The following PDZRN3 variants were observed in gnomAD, a reference collection of about 807,000 sequenced individuals.
The protein encoded by PDZRN3 is PDZ domain containing ring finger 3.
A neutral mutation model predicts 85.7 loss-of-function variants in PDZRN3; 38 were observed. That is an observed-to-expected ratio of 0.44 (90% CI 0.34 to 0.58). PDZRN3 has a LOEUF of 0.58. PDZRN3 is among the 20% of genes least tolerant of loss of function. The pLI is 0.01. For missense variants in PDZRN3, 1,629 were observed against 1,506.4 expected (o/e 1.08, Z -1.35); for synonymous variants, 759 against 638.0 (o/e 1.19, Z -2.86).
chr3:73,535,106 T>C (rs980951844), intron 3 of PDZRN3, among the ~76,000 whole-genome samples: 12 of 152,162 alleles, frequency 7.9e-5, no homozygotes, highest in Non-Finnish European at 1.5e-4. Context: ...CTTTTCCTTC[T>C]GCCTTAACAC....
chr3:73,574,982 G>T (rs952417283), intron 3 of PDZRN3, among the ~76,000 whole-genome samples: 1 of 152,138 alleles, frequency 6.6e-6, no homozygotes, highest in Non-Finnish European at 1.5e-5. Context: ...TCATTCCTTT[G>T]AAGTGTTGTA....
intron 3 of PDZRN3, among the ~76,000 whole-genome samples, chr3:73,461,063 GGATTA>G (rs1227685755): frequency 6.6e-6 from 1 of 151,970 alleles, no homozygotes; most frequent in African/African-American, 2.4e-5. Context: ...CAAAGTGCTG[GGATTA>G]CAGGCATGAG....
At chr3:73,615,604 C>G (rs1466803378) in intron 1 of PDZRN3, among the ~76,000 whole-genome samples, 1 of 152,202 alleles carries the variant, frequency 6.6e-6, no homozygotes, top group African/African-American at 2.4e-5. Context: ...AACAGAAAGA[C>G]AGCCATCTGT....
At chr3:73,510,748 A>C (rs1258737363) in intron 3 of PDZRN3, among the ~76,000 whole-genome samples, 1 of 152,202 alleles carries the variant, frequency 6.6e-6, no homozygotes, top group Non-Finnish European at 1.5e-5. Flanking sequence ...ACCTAACCCT[A>C]CAAACATTTT....
chr3:73,615,993 T>C (rs1421521224), intron 1 of PDZRN3, among the ~76,000 whole-genome samples: 3 of 152,232 alleles, frequency 2.0e-5, no homozygotes, highest in Non-Finnish European at 2.9e-5. Flanking sequence ...GGACACCTCA[T>C]GAAGAGATTA....
chr3:73,548,307 A>T (rs1701475113), intron 3 of PDZRN3, among the ~76,000 whole-genome samples: 1 of 152,220 alleles, frequency 6.6e-6, no homozygotes, highest in African/African-American at 2.4e-5. Flanking sequence ...CAGCTCCAAA[A>T]CATTGAATAT....
chr3:73,506,449 A>G (rs1006439354), intron 3 of PDZRN3, among the ~76,000 whole-genome samples: 3 of 152,224 alleles, frequency 2.0e-5, no homozygotes, highest in African/African-American at 7.2e-5. Flanking sequence ...GTAACAGGGA[A>G]CATAAGCAAC....
intron 3 of PDZRN3, among the ~76,000 whole-genome samples, chr3:73,593,781 G>A (rs1702395342): frequency 6.7e-6 from 1 of 149,248 alleles, no homozygotes. Context: ...TTACAGAAAT[G>A]TGGCTTTACT....
intron 8 of PDZRN3, among the ~76,000 whole-genome samples, chr3:73,387,137 G>T (rs1376648062): frequency 6.6e-6 from 1 of 152,152 alleles, no homozygotes; most frequent in Non-Finnish European, 1.5e-5. Flanking sequence ...ATGATTGTGA[G>T]GCCTCCCCAG....
chr3:73,618,049 T>G (rs1702792323), intron 1 of PDZRN3, among the ~76,000 whole-genome samples: 1 of 152,212 alleles, frequency 6.6e-6, no homozygotes, highest in African/African-American at 2.4e-5. Context: ...TTGTACTCCA[T>G]GTGCTCTACA....
intron 3 of PDZRN3, among the ~76,000 whole-genome samples, chr3:73,457,031 G>T (rs183361004): frequency 1.1e-4 from 16 of 152,176 alleles, no homozygotes; most frequent in Admixed American, 1.0e-3. Context: ...CTTTAAAAAA[G>T]TAATATGAAT....
intron 3 of PDZRN3, among the ~76,000 whole-genome samples, chr3:73,565,786 AAC>A (rs61564723): frequency 0.088 from 3,324 of 37,760 alleles, 79 homozygotes; most frequent in Middle Eastern, 0.19. Flanking sequence ...AAAAATACAA[AAC>A]ACACACACAC....
At chr3:73,416,191 G>A (rs189488843) in intron 3 of PDZRN3, among the ~76,000 whole-genome samples, 41 of 152,126 alleles carry the variant, frequency 2.7e-4, no homozygotes, top group South Asian at 1.0e-3. Context: ...CCCTCCCACC[G>A]TAAGCGCTCC....
chr3:73,421,414 G>A (rs1702200114), intron 3 of PDZRN3, among the ~76,000 whole-genome samples: 1 of 152,172 alleles, frequency 6.6e-6, no homozygotes, highest in Non-Finnish European at 1.5e-5. Flanking sequence ...TCTGAAGTAG[G>A]ACATGAACAC....
At chr3:73,617,832 A>G (rs1362992623) in intron 1 of PDZRN3, among the ~76,000 whole-genome samples, 1 of 152,100 alleles carries the variant, frequency 6.6e-6, no homozygotes, top group African/African-American at 2.4e-5. Context: ...CAGCCTCCCC[A>G]GTAGCTGGGA....
chr3:73,598,459 G>C (rs1702463108), intron 3 of PDZRN3, among the ~76,000 whole-genome samples: 1 of 152,190 alleles, frequency 6.6e-6, no homozygotes, highest in Non-Finnish European at 1.5e-5. Flanking sequence ...ACAGCTCACA[G>C]GTAAGAGGAG....
chr3:73,509,421 T>C (rs1704124313), intron 3 of PDZRN3, among the ~76,000 whole-genome samples: 1 of 152,170 alleles, frequency 6.6e-6, no homozygotes, highest in Non-Finnish European at 1.5e-5. Context: ...TTCTCCAACA[T>C]GTGGGCACTA....
intron 3 of PDZRN3, among the ~76,000 whole-genome samples, chr3:73,545,025 G>GA (rs199793100): frequency 1.3e-5 from 2 of 151,536 alleles, no homozygotes; most frequent in Admixed American, 1.3e-4. Context: ...GAAATAAAAG[G>GA]AAAAAAAAGG....
At chr3:73,452,839 C>CTCTGTGTGTG (rs1553690746) in intron 3 of PDZRN3, among the ~76,000 whole-genome samples, 87 of 140,720 alleles carry the variant, frequency 6.2e-4, no homozygotes, top group African/African-American at 1.7e-3. Context: ...GTCCATATAT[C>CTCTGTGTGTG]TGTGTGTGTG....
Sources: allele counts gnomAD v4.1 joint callset (sites outside exome capture counted in the v4.1 genomes callset), GRCh38; gene constraint gnomAD v4.1.1; transcripts MANE v1.5; gene names NCBI Gene and HGNC (gene_info 2026-07-23, HGNC 2026-07-21).